Variants in NOS2 observed in about 807,000 individuals in gnomAD.
NOS2 encodes the protein nitric oxide synthase, inducible.
NOS2 carries 96 observed loss-of-function variants against 136.0 expected under a neutral mutation model. That is an observed-to-expected ratio of 0.71 (90% CI 0.60 to 0.84). The LOEUF (loss-of-function observed/expected upper bound fraction) is 0.84. NOS2 is among the 40% of genes least tolerant of loss of function. NOS2 has a pLI of 0.00. For missense variants in NOS2, 1,237 were observed against 1,496.9 expected, an observed-to-expected ratio of 0.83 and a Z score of 2.87; for synonymous variants, 539 against 587.5, an observed-to-expected ratio of 0.92 and a Z score of 1.20.
intron 14 of NOS2, among the ~76,000 whole-genome samples, chr17:27,771,510 T>C (rs1455329614): frequency 1.3e-5 from 2 of 152,206 alleles, no homozygotes; most frequent in Non-Finnish European, 2.9e-5. Flanking sequence ...CAGGTGAGGC[T>C]TGGACCCAAG....
At chr17:27,782,913 C>T (rs1010662119) in intron 6 of NOS2, 31 bp downstream of exon 6, 4 of 1,610,692 alleles carry the variant, frequency 2.5e-6, no homozygotes, top group Non-Finnish European at 3.4e-6. Flanking sequence ...CCGCCTCCAG[C>T]TCTCTCCCGC....
At chr17:27,796,985 G>C (rs1185829001) in intron 2 of NOS2, among the ~76,000 whole-genome samples, 1 of 152,122 alleles carries the variant, frequency 6.6e-6, no homozygotes, top group Non-Finnish European at 1.5e-5. Flanking sequence ...AACCTACAAT[G>C]GCTCCCTACT....
intron 11 of NOS2, among the ~76,000 whole-genome samples, chr17:27,775,377 C>G (rs1245149290): frequency 6.6e-6 from 1 of 152,082 alleles, no homozygotes; most frequent in African/African-American, 2.4e-5. Context: ...ACGGGGAGAT[C>G]ACCTGAGGTC....
chr17:27,774,314 G>A lies in NOS2; in HGVS notation c.1419C>T (p.Thr473=). The A allele has an allele frequency of 6.3e-7, 1 of 1,575,894 alleles. No homozygotes were observed. The change falls in exon 12 of 27, where the codon ACC becomes ACT. Residue 473 remains threonine, a synonymous_variant. Coordinates refer to ENST00000313735, the MANE Select transcript of NOS2 (RefSeq NM_000625.4). ...WLVPPMSGSI[T]PVFHQEMLNY... is the part of the protein sequence containing the mutation. ...TCAGCATCTCCTGGTGAAACACGGG[G>A]GTGATGCTCCCAGACATGGGAGGGA... is the stretch of plus-strand genomic sequence containing the variant.
chr17:27,770,529 AAAAACAAAC>A (rs1908458597), intron 15 of NOS2, among the ~76,000 whole-genome samples: 1 of 152,206 alleles, frequency 6.6e-6, no homozygotes, highest in South Asian at 2.1e-4. Context: ...CCAAAAACCA[AAAAACAAAC>A]AAAACAAACA....
In NOS2 at chr17:27,774,393, A is replaced by G. The variant is rs1908597256; in HGVS notation, c.1340T>C (p.Met447Thr). Reference protein sequence around the residue: ...HSAAESFMKYMQNEYRSRGGC... With the variant: ...HSAAESFMKYTQNEYRSRGGC... ...CCCACGGGACCGGTATTCATTCTGC[A>G]TGTACTTCATGAAGGATTCTGCAGC... The change falls in exon 12 of 27, where the codon ATG (methionine) becomes ACG (threonine). Residue 447 changes from methionine to threonine, a missense_variant. Around this residue, in one of 3 missense-constraint regions of NOS2, gnomAD observed 15 missense variants for 41.6 expected, o/e 0.36. Transcript: ENST00000313735. 1 of 1,566,976 alleles carries G rather than the reference A, an allele frequency of 6.4e-7. No individual in the cohort carries two copies. The highest frequency in any genetic ancestry group is 8.6e-7 in the Non-Finnish European group (1 of 1,156,544).
intron 2 of NOS2, among the ~76,000 whole-genome samples, chr17:27,797,139 C>T (rs944876413): frequency 2.0e-5 from 3 of 152,224 alleles, no homozygotes; most frequent in Non-Finnish European, 4.4e-5. Context: ...TCACCTCTCC[C>T]CTCTTCCTGA....
chr17:27,769,494 A>C (rs771106277), intron 16 of NOS2, 41 bp downstream of exon 16: 3 of 1,588,314 alleles, frequency 1.9e-6, no homozygotes, highest in Non-Finnish European at 2.6e-6. Context: ...CTTTGGGTCC[A>C]CAGGGCAGGG....
intron 2 of NOS2, among the ~76,000 whole-genome samples, chr17:27,792,187 T>C (rs531999429): frequency 1.3e-5 from 2 of 152,358 alleles, no homozygotes; most frequent in South Asian, 4.1e-4. Context: ...GGTCCCATTG[T>C]CCATGGCTGG....
At chr17:27,782,685 C>A (rs1011954906) in intron 6 of NOS2, among the ~76,000 whole-genome samples, 1 of 152,216 alleles carries the variant, frequency 6.6e-6, no homozygotes, top group African/African-American at 2.4e-5. Context: ...GTGGTTTACT[C>A]TAATGATGGC....
At position 27,766,215 on chromosome 17, in the gene NOS2, A is replaced by C. The variant is rs772406582; in HGVS notation, c.2246+295T>G. ...GAAAGTTCTTAAGAATGAATCAAAC[A>C]GTTTAAGTCTCTCTTGCACTCTCCT... On this transcript the variant is annotated intron_variant, in intron 19 of 26. Coordinates refer to ENST00000313735, the MANE Select transcript of NOS2 (RefSeq NM_000625.4). Among the ~76,000 whole-genome samples, 21 of 152,220 alleles carry C rather than the reference A, an allele frequency of 1.4e-4. 1 individual carries two copies. Among genetic ancestry groups the C allele is most frequent in the Admixed American group, 6.5e-4 (10 of 15,286 alleles).
intron 14 of NOS2, among the ~76,000 whole-genome samples, chr17:27,771,846 C>A (rs916776854): frequency 6.6e-6 from 1 of 152,210 alleles, no homozygotes; most frequent in Non-Finnish European, 1.5e-5. Context: ...CCTCAGAGCC[C>A]GGGGCTGGTC....
At position 27,778,699 on chromosome 17, in the gene NOS2, A is replaced by G. The variant is rs140424684; in HGVS notation, c.1272T>C (p.His424=). The G allele has an allele frequency of 1.1e-4, 177 of 1,613,904 alleles. No individual in the cohort carries two copies. In the African/African-American group the frequency reaches 2.1e-3, roughly 20 times the overall value. The change falls in exon 11 of 27, where the codon CAT becomes CAC. Residue 424 remains histidine (H), a synonymous_variant. Coordinates refer to ENST00000313735, the MANE Select transcript of NOS2 (RefSeq NM_000625.4). ...AVVEINIAVL[H]SFQKQNVTIM... is the part of the protein sequence containing the mutation. Reference sequence around the variant, plus strand: ...AAAACTCCAGACATACCTGGAAACTATGGAGCACAGCAATGTTGATCTCAA... The same window carrying G: ...AAAACTCCAGACATACCTGGAAACTGTGGAGCACAGCAATGTTGATCTCAA...
chr17:27,776,191 G>C (rs927625828), intron 11 of NOS2, among the ~76,000 whole-genome samples: 1 of 152,250 alleles, frequency 6.6e-6, no homozygotes, highest in Non-Finnish European at 1.5e-5. Context: ...TCAAGGCAGG[G>C]AGGCATGAGA....
In NOS2 at chr17:27,762,822, C is replaced by A. The variant is rs1309479977; in HGVS notation, c.2776G>T (p.Ala926Ser). ...HTPTEIHLTVAVVTYHTRDGQ... is the reference protein window; with the variant it reads ...HTPTEIHLTVSVVTYHTRDGQ... ...CCTCGGGTGTGGTAGGTGACCACGG[C>A]CACAGTCAGGTGGATCTCTGTGGGC... The change falls in exon 22 of 27, where the codon GCC becomes TCC. Residue 926 changes from alanine to serine, a missense_variant. By Grantham distance (99) the Ala-to-Ser change is moderately conservative. Transcript: ENST00000313735. The A allele has an allele frequency of 1.3e-6, 2 of 1,555,346 alleles. No individual in the cohort carries two copies. Among genetic ancestry groups the A allele is most frequent in the South Asian group, 1.2e-5 (1 of 84,286 alleles).
At chr17:27,766,378 A>G in intron 19 of NOS2, 132 bp downstream of exon 19, 1 of 833,164 alleles carries the variant, frequency 1.2e-6, no homozygotes. Flanking sequence ...GGCCGGTCCT[A>G]CCGACAGTGT....
rs767815136 is a variant in NOS2, at chr17:27,774,249, C to T, written c.1476+8G>A. ...CCCCAGGAAGGAGAGAAGAGGAAGG[C>T]CCCTAACCTGATAGTAGTAGAAAGG... On this transcript the variant is annotated splice_region_variant and intron_variant, in intron 12 of 26. Transcript: ENST00000313735. 4.0e-6 allele frequency: 6 copies of T among 1,481,748 alleles called. No individual in the cohort carries two copies. Among genetic ancestry groups the T allele is most frequent in the Admixed American group, 2.4e-5 (1 of 42,300 alleles). The allele number at this position is 1,481,748 out of a possible 1,614,324, so 91.8% of individuals were successfully genotyped here. A position where few individuals can be genotyped will look rare whatever the true frequency, so the allele number is the denominator to read the frequency against.
At chr17:27,799,812 G>A (rs959585355) in intron 1 of NOS2, among the ~76,000 whole-genome samples, 1 of 151,860 alleles carries the variant, frequency 6.6e-6, no homozygotes, top group African/African-American at 2.4e-5. Flanking sequence ...AGAAAGAAAG[G>A]GAAGGGAAGG....
chr17:27,770,410 A>G (rs1461713263), intron 15 of NOS2, among the ~76,000 whole-genome samples: 2 of 152,200 alleles, frequency 1.3e-5, no homozygotes, highest in Non-Finnish European at 2.9e-5. Context: ...CACTTGAACC[A>G]GGGAGGCAGA....
Sources: allele counts gnomAD v4.1 joint callset (sites outside exome capture counted in the v4.1 genomes callset), GRCh38; gene constraint gnomAD v4.1.1; regional missense constraint gnomAD v4.1.1; transcripts MANE v1.5; gene names NCBI Gene and HGNC (gene_info 2026-07-23, HGNC 2026-07-21).